The following PDHB variants were observed in gnomAD, a reference collection of about 807,000 sequenced individuals.
The protein encoded by PDHB is pyruvate dehydrogenase E1 component subunit beta, mitochondrial.
Under a neutral mutation model 42.8 loss-of-function variants are expected in PDHB, and 17 were observed. The ratio of observed to expected loss-of-function variants is 0.40; its 90% confidence interval spans 0.27 to 0.60. The LOEUF is 0.60. Ranked by LOEUF, PDHB falls within the 20% of genes least tolerant of loss-of-function variation. PDHB has a pLI of 0.46. For synonymous variants in PDHB, 154 were observed against 148.7 expected (o/e 1.04, Z -0.26); for missense variants, 322 against 451.3 (o/e 0.71, Z 2.60).
chr3:58,428,387 T>C (rs2062891632), intron 9 of PDHB, 86 bp downstream of exon 9: 1 of 1,477,170 alleles, frequency 6.8e-7, no homozygotes, highest in South Asian at 1.1e-5. Flanking sequence ...CACTCCTAGC[T>C]TTCAATCTCT....
intron 2 of PDHB, 184 bp downstream of exon 2, chr3:58,433,447 A>T (rs1399911179): frequency 1.5e-6 from 1 of 651,006 alleles, no homozygotes; most frequent in African/African-American, 1.8e-5. Context: ...TGAGGTGGTG[A>T]CTCGCCGGTG....
At chr3:58,430,543 C>T in intron 6 of PDHB, 114 bp downstream of exon 6, 3 of 875,882 alleles carry the variant, frequency 3.4e-6, no homozygotes, top group Non-Finnish European at 5.6e-6. Flanking sequence ...AAAGTATTAA[C>T]ATTCTATACG....
intron 2 of PDHB, 38 bp downstream of exon 2, chr3:58,433,593 C>G (rs1166095867): frequency 1.3e-6 from 2 of 1,585,702 alleles, no homozygotes; most frequent in Non-Finnish European, 8.6e-7. Flanking sequence ...AGGGGGGACC[C>G]TCCCCGCCCT....
Position 58,427,842 on chromosome 3 carries a change from C to T in PDHB, c.*192G>A, listed in dbSNP as rs2062882682. ...GGCAACCGTAACAGACAAAAGGAAGCATGGCATCTAGGGGAGGAGAGTGGA... is the reference window on the plus strand; with the variant it reads ...GGCAACCGTAACAGACAAAAGGAAGTATGGCATCTAGGGGAGGAGAGTGGA... On this transcript the variant is annotated 3_prime_UTR_variant, in exon 10 of 10. Coordinates refer to ENST00000302746, the MANE Select transcript of PDHB (RefSeq NM_000925.4). 1 of 656,894 alleles carries T rather than the reference C, an allele frequency of 1.5e-6. No individual in the cohort carries two copies. The highest frequency in any genetic ancestry group is 2.8e-6 in the Non-Finnish European group (1 of 358,502). The allele number at this position is 656,894 out of a possible 1,614,324, so 40.7% of individuals were successfully genotyped here.
chr3:58,430,565 C>T (rs2062911014), intron 6 of PDHB, 92 bp downstream of exon 6: 4 of 1,004,712 alleles, frequency 4.0e-6, no homozygotes, highest in Non-Finnish European at 6.3e-6. Flanking sequence ...TATATCTAAG[C>T]CTAACTAAAA....
chr3:58,431,032 T>G lies in PDHB; in HGVS notation c.304-90A>C. On this transcript the variant is annotated intron_variant, in intron 5 of 9. Coordinates refer to ENST00000302746, the MANE Select transcript of PDHB (RefSeq NM_000925.4). The surrounding 1 kb of genome is among the most constrained non-coding windows in gnomAD (Gnocchi z 4.4). The stretch of plus-strand genomic sequence containing the variant: ...CACTCCAAGTCTTCCAACATTCAAA[T>G]AATGTTTTTATTTTTTATTTTTATT... 1 of 1,251,932 alleles carries G rather than the reference T, an allele frequency of 8.0e-7. No homozygotes were observed. The highest frequency in any genetic ancestry group is 1.2e-6 in the Non-Finnish European group (1 of 863,706). 77.6% of individuals were successfully genotyped at this position (1,251,932 alleles called of 1,614,324 possible). A position where few individuals can be genotyped will look rare whatever the true frequency, so the allele number is the denominator to read the frequency against.
chr3:58,427,753 T>A lies in PDHB; in HGVS notation c.*281A>T. On this transcript the variant is annotated 3_prime_UTR_variant, in exon 10 of 10. Transcript: ENST00000302746. The stretch of plus-strand genomic sequence containing the variant: ...CATCTTTCATGAGGACTCTGCCACA[T>A]CCATACTTTGTCCTTGTGGTGAGAG... 1 of 514,984 alleles carries A rather than the reference T, an allele frequency of 1.9e-6. No individual in the cohort carries two copies. Among genetic ancestry groups the A allele is most frequent in the African/African-American group, 1.9e-5 (1 of 52,566 alleles). 31.9% of individuals were successfully genotyped at this position (514,984 alleles called of 1,614,324 possible).
rs1560187533 is a variant in PDHB at position 58,430,111 on chromosome 3, T to TA, written c.700+16dup. 7.3e-7 allele frequency: 1 copy of TA among 1,367,712 alleles called. No homozygotes were observed. The highest frequency in any genetic ancestry group is 1.7e-5 in the Admixed American group (1 of 59,606). The allele number at this position is 1,367,712 out of a possible 1,614,324, so 84.7% of individuals were successfully genotyped here. ...GGCTGGATTAAAAATACTGTTTATA[T>TA]ATCTTAGTTTTCTTACCTTGCCTTT... On this transcript the variant is annotated intron_variant, in intron 7 of 9. Transcript: ENST00000302746.
At chr3:58,428,687 TCC>T in intron 8 of PDHB, 73 bp from the exon 9 acceptor site, 1 of 1,339,228 alleles carries the variant, frequency 7.5e-7, no homozygotes, top group Non-Finnish European at 1.1e-6. Flanking sequence ...TAATACCATT[TCC>T]TTTTTTGTTT....
rs762964497 is a variant in PDHB at position 58,430,650 on chromosome 3, T to G, written c.589+7A>C. On this transcript the variant is annotated splice_region_variant and intron_variant, in intron 6 of 9. Coordinates refer to ENST00000302746, the MANE Select transcript of PDHB (RefSeq NM_000925.4). ...TTCAAAAAAAACCAAAGGGTCCCTG[T>G]GCTGACCTGGATTGTTATCCCGAAT... 1 of 1,612,548 alleles carries G rather than the reference T, an allele frequency of 6.2e-7. No homozygotes were observed. The highest frequency in any genetic ancestry group is 8.5e-7 in the Non-Finnish European group (1 of 1,179,476).
intron 2 of PDHB, 125 bp from the exon 3 acceptor site, chr3:58,432,109 C>G: frequency 1.4e-6 from 1 of 724,200 alleles, no homozygotes; most frequent in South Asian, 1.5e-5. Flanking sequence ...AAGCTTCTCT[C>G]TAAAAACTCA....
Position 58,427,935 on chromosome 3 carries a change from G to A in PDHB, c.*99C>T, listed in dbSNP as rs7230. Reference sequence around the variant, plus strand: ...AATACCTGCTGTTGCTTTAGAAATCGTTTTCCGTTATGAATAGTCAGGTCT... The same window carrying A: ...AATACCTGCTGTTGCTTTAGAAATCATTTTCCGTTATGAATAGTCAGGTCT... On this transcript the variant is annotated 3_prime_UTR_variant, in exon 10 of 10. Transcript: ENST00000302746. The A allele has an allele frequency of 0.28, 257,721 of 914,662 alleles. 44,437 individuals carry two copies. Among genetic ancestry groups the A allele is most frequent in the East Asian group, 0.79 (30,667 of 39,004 alleles). The allele number at this position is 914,662 out of a possible 1,614,324, so 56.7% of individuals were successfully genotyped here. A position where few individuals can be genotyped will look rare whatever the true frequency, so the allele number is the denominator to read the frequency against.
At chr3:58,432,621 G>A (rs532046529) in intron 2 of PDHB, 1 of 157,730 alleles carries the variant, frequency 6.3e-6, no homozygotes, top group Admixed American at 6.1e-5. Context: ...TTGAACCCAG[G>A]AGGCAGAGAT....
chr3:58,432,133 G>C (rs2062925854), intron 2 of PDHB, 149 bp from the exon 3 acceptor site: 1 of 692,062 alleles, frequency 1.4e-6, no homozygotes, highest in South Asian at 1.6e-5. Context: ...AATTCTAAAA[G>C]TAACATTTCT....
chr3:58,433,206 T>C (rs998385275), intron 2 of PDHB: 1 of 249,374 alleles, frequency 4.0e-6, no homozygotes, highest in East Asian at 1.2e-4. Flanking sequence ...GGAAGGGAAA[T>C]GAGGAGTTAC....
At position 58,430,951 on chromosome 3, in the gene PDHB, T is replaced by G; in HGVS notation, c.304-9A>C. On this transcript the variant is annotated splice_polypyrimidine_tract_variant and intron_variant, in intron 5 of 9. Transcript: ENST00000302746. Reference sequence around the variant, plus strand: ...ATGGGCCGCAACCCAGCCTGTAAAATCAAAAACGTGGATGTTAAAAAGACT... The same window carrying G: ...ATGGGCCGCAACCCAGCCTGTAAAAGCAAAAACGTGGATGTTAAAAAGACT... The G allele has an allele frequency of 6.2e-7, 1 of 1,613,970 alleles. No individual in the cohort carries two copies. Among genetic ancestry groups the G allele is most frequent in the Non-Finnish European group, 8.5e-7 (1 of 1,179,930 alleles).
In PDHB at chr3:58,430,130, T is replaced by C. The variant is rs146343258; in HGVS notation, c.698A>G (p.Gln233Arg). The change falls in exon 7 of 10, where the codon CAA (glutamine) becomes CGA (arginine). Residue 233 changes from glutamine to arginine, a missense_variant and splice_region_variant. Around this residue, in one of 3 missense-constraint regions of PDHB, gnomAD observed 208 missense variants for 285.0 expected, o/e 0.73. Transcript: ENST00000302746. ...TTTATATATCTTAGTTTTCTTACCT[T>C]GCCTTTCTATTTTGGCTTTTCCAAT... ...IPIGKAKIER[Q>R]GTHITVVSHS... 6 of 1,571,138 alleles carry C rather than the reference T, an allele frequency of 3.8e-6. No individual in the cohort carries two copies. In the East Asian group the frequency reaches 1.3e-4, roughly 35 times the overall value.
Position 58,431,847 on chromosome 3 carries a change from T to C in PDHB, c.204+30A>G, listed in dbSNP as rs775795056. 6.2e-7 allele frequency: 1 copy of C among 1,607,538 alleles called. No individual in the cohort carries two copies. Among genetic ancestry groups the C allele is most frequent in the Non-Finnish European group, 8.5e-7 (1 of 1,174,058 alleles). On this transcript the variant is annotated intron_variant, in intron 3 of 9. Transcript: ENST00000302746. The surrounding 1 kb of genome is among the most constrained non-coding windows in gnomAD (Gnocchi z 4.4). ...TATCTGGGGGTAACAGTGACCTCAA[T>C]TTTGTATAACTTTCATATATTTTAG...
intron 6 of PDHB, 58 bp downstream of exon 6, chr3:58,430,598 CA>C (rs2062911241): frequency 7.2e-7 from 1 of 1,379,778 alleles, no homozygotes; most frequent in Non-Finnish European, 1.0e-6. Context: ...TTCCTCTGTG[CA>C]AATATATCAT....
Sources: gnomAD v4.1 joint callset for allele counts on GRCh38, gnomAD v4.1.1 for gene constraint, gnomAD v4.1.1 regional missense constraint, Gnocchi (gnomAD v3.1) non-coding constraint, MANE v1.5 for transcripts, NCBI Gene and HGNC (gene_info 2026-07-23, HGNC 2026-07-21) for gene names.